The following RBM20 variants were observed in gnomAD, a reference collection of about 807,000 sequenced individuals.
RBM20 encodes the protein RNA binding motif protein 20.
In RBM20, 51 loss-of-function variants were observed where a neutral mutation model predicts 110.1. The observed-to-expected ratio is 0.46, with a 90% CI of 0.37 to 0.59. RBM20 has a LOEUF of 0.59. RBM20 is among the 20% of genes least tolerant of loss of function. RBM20 has a pLI of 0.00. For missense variants in RBM20, 1,512 were observed against 1,574.9 expected, an observed-to-expected ratio of 0.96 and a Z score of 0.68; for synonymous variants, 589 against 618.2, an observed-to-expected ratio of 0.95 and a Z score of 0.70.
rs190283790 is a variant in RBM20, at chr10:110,698,199, C to T, written c.191+53554C>T. ...CTGGGATTACAGGCGTGAGCCACCGCGCCCGGCCCTTGTTTCTTATATTAG... is the reference window on the plus strand; with the variant it reads ...CTGGGATTACAGGCGTGAGCCACCGTGCCCGGCCCTTGTTTCTTATATTAG... On this transcript the variant is annotated intron_variant, in intron 1 of 13. Coordinates refer to ENST00000369519, the MANE Select transcript of RBM20 (RefSeq NM_001134363.3). Among the ~76,000 whole-genome samples the T allele has an allele frequency of 2.5e-3, 383 of 152,266 alleles. 4 individuals carry two copies. Among genetic ancestry groups the T allele is most frequent in the Middle Eastern group, 3.4e-3 (1 of 294 alleles).
Position 110,781,723 on chromosome 10 carries a change from A to C in RBM20, c.1114A>C (p.Lys372Gln). The change falls in exon 2 of 14, where the codon AAA (lysine) becomes CAA (glutamine). Residue 372 changes from lysine (K) to glutamine (Q), a missense_variant. By Grantham distance (53) the Lys-to-Gln change is moderately conservative. Transcript: ENST00000369519. ...PSFGGRLNNS[K>Q]QGFIGAGRRA... ...CTTCGGGGGTCGGCTTAACAACAGC[A>C]AACAGGGTTTTATCGGTGCTGGGCG... 6.4e-7 allele frequency: 1 copy of C among 1,551,718 alleles called. No homozygotes were observed. Among genetic ancestry groups the C allele is most frequent in the African/African-American group, 1.4e-5 (1 of 73,186 alleles).
chr10:110,823,355 A>G, intron 11 of RBM20, 125 bp from the exon 12 acceptor site: 1 of 1,235,612 alleles, frequency 8.1e-7, no homozygotes, highest in Non-Finnish European at 1.1e-6. Flanking sequence ...TATGTGATTA[A>G]GCAGTCCAAG....
At chr10:110,647,419 C>T (rs949966208) in intron 1 of RBM20, among the ~76,000 whole-genome samples, 1 of 152,190 alleles carries the variant, frequency 6.6e-6, no homozygotes, top group African/African-American at 2.4e-5. Context: ...CTCTTGTTTA[C>T]TGTAAAGATT....
intron 1 of RBM20, among the ~76,000 whole-genome samples, chr10:110,709,562 C>CTTT (rs10713170): frequency 7.4e-6 from 1 of 135,460 alleles, no homozygotes; most frequent in Non-Finnish European, 1.6e-5. Flanking sequence ...GTGATAATTT[C>CTTT]TTTTTTTTTT....
chr10:110,656,160 G>A (rs1261783774), intron 1 of RBM20, among the ~76,000 whole-genome samples: 1 of 152,052 alleles, frequency 6.6e-6, no homozygotes, highest in Non-Finnish European at 1.5e-5. Flanking sequence ...AAATTTGCCG[G>A]GCGTGGTGGT....
rs113596261 is a variant in RBM20, at chr10:110,834,920, G to T, written c.3574-948G>T. Among the ~76,000 whole-genome samples the T allele has an allele frequency of 3.5e-3, 530 of 152,340 alleles. 4 individuals carry two copies. Among genetic ancestry groups the T allele is most frequent in the African/African-American group, 0.012 (514 of 41,564 alleles). Reference sequence around the variant, plus strand: ...GCCTCATGGTGTTGGGCCGAGGCCAGTCATAGCAGTGAGTGTTCTGGGGTC... The same window carrying T: ...GCCTCATGGTGTTGGGCCGAGGCCATTCATAGCAGTGAGTGTTCTGGGGTC... On this transcript the variant is annotated intron_variant, in intron 13 of 13. Coordinates refer to ENST00000369519, the MANE Select transcript of RBM20 (RefSeq NM_001134363.3).
In RBM20 at chr10:110,655,152, C is replaced by A. The variant is rs543619923; in HGVS notation, c.191+10507C>A. Among the ~76,000 whole-genome samples, 6 of 152,204 alleles carry A rather than the reference C, an allele frequency of 3.9e-5. No individual in the cohort carries two copies. The East Asian group carries it at 9.7e-4, about 24-fold the overall frequency. ...TCTGTTTCCTTAATTTATAGAAAAT[C>A]CATCACTTACAAGAAAATATTATAG... On this transcript the variant is annotated intron_variant, in intron 1 of 13. Transcript: ENST00000369519.
chr10:110,692,211 C>A (rs1862595269), intron 1 of RBM20, among the ~76,000 whole-genome samples: 1 of 152,098 alleles, frequency 6.6e-6, no homozygotes, highest in African/African-American at 2.4e-5. Context: ...CATTTCCCAA[C>A]TTTGTTCCTC....
chr10:110,730,533 G>A (rs1252396879), intron 1 of RBM20, among the ~76,000 whole-genome samples: 1 of 152,218 alleles, frequency 6.6e-6, no homozygotes, highest in East Asian at 1.9e-4. Context: ...GTCAGACAGG[G>A]TGGGGTTCTC....
intron 1 of RBM20, among the ~76,000 whole-genome samples, chr10:110,708,136 C>G (rs1268823128): frequency 5.3e-5 from 8 of 152,216 alleles, no homozygotes; most frequent in Admixed American, 2.0e-4. Context: ...TGTGCTGTCA[C>G]ATAGGGCCCC....
intron 1 of RBM20, among the ~76,000 whole-genome samples, chr10:110,763,209 T>C (rs4522094): frequency 0.3 from 45,261 of 151,942 alleles, 6,985 homozygotes; most frequent in East Asian, 0.46. Flanking sequence ...GCTTTCACTT[T>C]GGTTTTTCAG....
At chr10:110,683,452 AT>A in intron 1 of RBM20, among the ~76,000 whole-genome samples, 1 of 152,194 alleles carries the variant, frequency 6.6e-6, no homozygotes, top group Non-Finnish European at 1.5e-5. Context: ...TTTCTCGTAA[AT>A]GCTAGGTCAG....
rs770152052 is a variant in RBM20, at chr10:110,784,361, T to G, written c.1358T>G (p.Leu453Arg). 1.9e-6 allele frequency: 3 copies of G among 1,551,238 alleles called. No individual in the cohort carries two copies. The South Asian group carries it at 3.6e-5, about 18-fold the overall frequency. Residue 453 changes from leucine to arginine, a missense_variant, in exon 4 of 14, where the codon CTT becomes CGT. Leu to Arg is a moderately radical substitution (Grantham distance 102, BLOSUM62 -2). Transcript: ENST00000369519. Reference sequence around the variant, plus strand: ...TCCAGTGCTGGCATCCGGTGTATACTTGGTTCGGCAGAGGGAACATTGTGT... The same window carrying G: ...TCCAGTGCTGGCATCCGGTGTATACGTGGTTCGGCAGAGGGAACATTGTGT... ...FSENAGIRCI[L>R]GSAEGTLCAS...
chr10:110,769,387 C>T (rs1477916853), intron 1 of RBM20, among the ~76,000 whole-genome samples: 1 of 152,162 alleles, frequency 6.6e-6, no homozygotes, highest in African/African-American at 2.4e-5. Context: ...ACCCTCTGTT[C>T]TCTGTACTAG....
At chr10:110,788,299 A>G (rs1844444972) in intron 5 of RBM20, among the ~76,000 whole-genome samples, 1 of 152,204 alleles carries the variant, frequency 6.6e-6, no homozygotes, top group Non-Finnish European at 1.5e-5. Flanking sequence ...TTGGCCACCC[A>G]TGGAGCAAGA....
At chr10:110,783,951 G>A (rs978817682) in intron 3 of RBM20, among the ~76,000 whole-genome samples, 7 of 152,114 alleles carry the variant, frequency 4.6e-5, no homozygotes, top group African/African-American at 1.4e-4. Flanking sequence ...CTGTCTCTAC[G>A]GATTTGCCTG....
At chr10:110,729,285 G>T (rs1254665090) in intron 1 of RBM20, among the ~76,000 whole-genome samples, 5 of 152,284 alleles carry the variant, frequency 3.3e-5, no homozygotes, top group Admixed American at 1.3e-4. Context: ...AATATGTGTT[G>T]TTCCCAAAGC....
At chr10:110,721,870 A>G (rs1843510902) in intron 1 of RBM20, among the ~76,000 whole-genome samples, 1 of 152,122 alleles carries the variant, frequency 6.6e-6, no homozygotes, top group Non-Finnish European at 1.5e-5. Flanking sequence ...CATGCAGAGC[A>G]GGCAGTCTCT....
chr10:110,787,642 T>C (rs1173723065), intron 5 of RBM20, among the ~76,000 whole-genome samples: 2 of 152,228 alleles, frequency 1.3e-5, no homozygotes, highest in Non-Finnish European at 2.9e-5. Flanking sequence ...GCACAAGCTA[T>C]CTGATGATTT....
Sources: gnomAD v4.1 joint callset for allele counts (sites outside exome capture counted in the v4.1 genomes callset) on GRCh38, gnomAD v4.1.1 for gene constraint, MANE v1.5 for transcripts, NCBI Gene and HGNC (gene_info 2026-07-23, HGNC 2026-07-21) for gene names.